HTRA1: variants seen among roughly 807,000 people sequenced by gnomAD.
HTRA1 encodes the protein HtrA serine peptidase 1.
A neutral mutation model predicts 49.7 loss-of-function variants in HTRA1; 26 were observed. The observed-to-expected ratio is 0.52, with a 90% CI of 0.38 to 0.73. HTRA1 has a LOEUF of 0.73. HTRA1 is among the 30% of genes least tolerant of loss of function. The pLI is 0.00. For missense variants in HTRA1, 561 were observed against 667.2 expected (o/e 0.84, Z 1.75); for synonymous variants, 291 against 286.9 (o/e 1.01, Z -0.14).
At chr10:122,512,710 T>C (rs925537288) in intron 8 of HTRA1, among the ~76,000 whole-genome samples, 3 of 152,222 alleles carry the variant, frequency 2.0e-5, no homozygotes, top group Non-Finnish European at 4.4e-5. Flanking sequence ...ACTTATTTTT[T>C]ATTTTCATAG....
chr10:122,512,195 G>T (rs544286726), intron 8 of HTRA1, 130 bp downstream of exon 8: 3 of 777,178 alleles, frequency 3.9e-6, no homozygotes, highest in African/African-American at 3.4e-5. Context: ...GTGGTCGGAC[G>T]TTGCTTGTCA....
intron 1 of HTRA1, among the ~76,000 whole-genome samples, chr10:122,472,911 A>G (rs2097486786): frequency 6.6e-6 from 1 of 152,178 alleles, no homozygotes; most frequent in Admixed American, 6.5e-5. Context: ...TCTGGTATAA[A>G]TTGCCAAATT....
intron 3 of HTRA1, among the ~76,000 whole-genome samples, chr10:122,495,526 C>G (rs2097498220): frequency 6.6e-6 from 1 of 152,232 alleles, no homozygotes; most frequent in East Asian, 1.9e-4. Context: ...GATTGCAGCT[C>G]CTTCTGGCTT....
In HTRA1 at chr10:122,514,721, A is replaced by G. The variant is rs2097507156; in HGVS notation, c.*362A>G. ...GCGTAGATAGAAGAAGCCCCACGGG[A>G]GCCAGGATGGGACTGGTCGTGTTTG... On this transcript the variant is annotated 3_prime_UTR_variant, in exon 9 of 9. Transcript: ENST00000368984. The G allele has an allele frequency of 3.0e-6, 1 of 329,556 alleles. No homozygotes were observed. Among genetic ancestry groups the G allele is most frequent in the Admixed American group, 4.3e-5 (1 of 23,502 alleles). The allele number at this position is 329,556 out of a possible 1,614,324, so 20.4% of individuals were successfully genotyped here. A position where few individuals can be genotyped will look rare whatever the true frequency, so the allele number is the denominator to read the frequency against.
rs187748860 is a variant in HTRA1, at chr10:122,490,525, C to T, written c.777+899C>T. On this transcript the variant is annotated intron_variant, in intron 3 of 8. Coordinates refer to ENST00000368984, the MANE Select transcript of HTRA1 (RefSeq NM_002775.5). This position sits in a 1 kb window ranked among gnomAD's most constrained non-coding sequence, Gnocchi z 4.2. ...TGCTGTGTGGCATGTTCAGTGAAAG[C>T]GTGGTTTCCAGTTTCTTCACATCCT... Among the ~76,000 whole-genome samples the T allele has an allele frequency of 1.1e-3, 161 of 152,274 alleles. 1 individual carries two copies. Among genetic ancestry groups the T allele is most frequent in the Middle Eastern group, 3.4e-3 (1 of 294 alleles).
intron 1 of HTRA1, among the ~76,000 whole-genome samples, chr10:122,466,412 C>T (rs186062359): frequency 2.6e-5 from 4 of 152,246 alleles, no homozygotes; most frequent in African/African-American, 9.6e-5. Flanking sequence ...TGTGATCCGC[C>T]CGCTTTGGCC....
intron 3 of HTRA1, 67 bp downstream of exon 3, chr10:122,489,693 A>G: frequency 6.9e-7 from 1 of 1,440,410 alleles, no homozygotes; most frequent in Non-Finnish European, 9.6e-7. Context: ...CAAAGGCACC[A>G]GAGCTCTCTG....
chr10:122,508,862 C>A, intron 6 of HTRA1, 92 bp downstream of exon 6: 1 of 794,586 alleles, frequency 1.3e-6, no homozygotes, highest in Non-Finnish European at 2.3e-6. Context: ...AAGCGGCAGC[C>A]CCTAGGACTA....
intron 7 of HTRA1, 45 bp downstream of exon 7, chr10:122,510,198 C>T (rs2097504990): frequency 6.5e-7 from 1 of 1,550,126 alleles, no homozygotes. Context: ...TTTAATAAAC[C>T]TGAACTTCAG....
chr10:122,464,696 C>T lies in HTRA1; in HGVS notation c.472+2572C>T, dbSNP rs1012594415. Among the ~76,000 whole-genome samples, 1 of 152,204 alleles carries T rather than the reference C, an allele frequency of 6.6e-6. No homozygotes were observed. The highest frequency in any genetic ancestry group is 6.5e-5 in the Admixed American group (1 of 15,280). ...TCGGAGGTGTTTCCGAGGACAGGCG[C>T]CTGGGAGCCAGCAGACTTCATTCAG... is the stretch of plus-strand genomic sequence containing the variant. On this transcript the variant is annotated intron_variant, in intron 1 of 8. Coordinates refer to ENST00000368984, the MANE Select transcript of HTRA1 (RefSeq NM_002775.5). This position sits in a 1 kb window ranked among gnomAD's most constrained non-coding sequence, Gnocchi z 4.8.
At chr10:122,498,777 T>C (rs971514181) in intron 3 of HTRA1, among the ~76,000 whole-genome samples, 1 of 152,220 alleles carries the variant, frequency 6.6e-6, no homozygotes, top group Non-Finnish European at 1.5e-5. Context: ...GCTCGCTGTT[T>C]TAATTTTATC....
At position 122,494,185 on chromosome 10, in the gene HTRA1, T is replaced by C. The variant is rs1306556016; in HGVS notation, c.777+4559T>C. On this transcript the variant is annotated intron_variant, in intron 3 of 8. Transcript: ENST00000368984. This position sits in a 1 kb window ranked among gnomAD's most constrained non-coding sequence, Gnocchi z 4.0. ...ACAATTTAGAGTCGCCTCACTCATT[T>C]GTCAAATGAAGTTCATCTCTGCAGC... Among the ~76,000 whole-genome samples the C allele has an allele frequency of 1.3e-5, 2 of 152,200 alleles. No homozygotes were observed. Among genetic ancestry groups the C allele is most frequent in the African/African-American group, 4.8e-5 (2 of 41,446 alleles).
intron 3 of HTRA1, among the ~76,000 whole-genome samples, chr10:122,493,156 A>G: frequency 6.6e-6 from 1 of 152,154 alleles, no homozygotes; most frequent in Non-Finnish European, 1.5e-5. Context: ...TTGGGAGACA[A>G]TCACGGACCA....
rs11295304 is a variant in HTRA1 at position 122,513,893 on chromosome 10, CTT to C, written c.1275-282_1275-281del. 1.8e-3 allele frequency among the ~76,000 whole-genome samples: 233 copies of C among 130,008 alleles called. 1 individual carries two copies. The highest frequency in any genetic ancestry group is 0.016 in the East Asian group (73 of 4,448). 85.3% of individuals were successfully genotyped at this position (130,008 alleles called of 152,430 possible). On this transcript the variant is annotated intron_variant, in intron 8 of 8. Coordinates refer to ENST00000368984, the MANE Select transcript of HTRA1 (RefSeq NM_002775.5). ...CAGGTGCCCACCACCAAACCTGGCT[CTT>C]TTTTTTTTTTTTTTTGTAATTTTAG...
chr10:122,508,755 G>A lies in HTRA1; in HGVS notation c.1105G>A (p.Asp369Asn). Reference protein sequence around the residue: ...KIKKFLTESHDRQAKGKAITK... With the variant: ...KIKKFLTESHNRQAKGKAITK... The stretch of plus-strand genomic sequence containing the variant: ...TAAAAAGTTCCTCACGGAGTCCCAT[G>A]ACCGACAGGCCAAAGGTAGGCAAGG... Residue 369 changes from aspartate (D) to asparagine (N), a missense_variant, in exon 6 of 9, where the codon GAC becomes AAC. Asp to Asn is a conservative substitution (Grantham distance 23). Transcript: ENST00000368984. 1 of 1,610,276 alleles carries A rather than the reference G, an allele frequency of 6.2e-7. No homozygotes were observed. The highest frequency in any genetic ancestry group is 8.5e-7 in the Non-Finnish European group (1 of 1,176,512).
Position 122,474,641 on chromosome 10 carries a change from A to G in HTRA1, c.472+12517A>G, listed in dbSNP as rs547732389. Among the ~76,000 whole-genome samples, 25 of 152,342 alleles carry G rather than the reference A, an allele frequency of 1.6e-4. No homozygotes were observed. In the South Asian group the frequency reaches 2.5e-3, roughly 15 times the overall value. On this transcript the variant is annotated intron_variant, in intron 1 of 8. Transcript: ENST00000368984. ...CCCAGCTGAGAAATCTGCGAAGGTC[A>G]GGACCAGAGCCAGACGCTTATCAAG...
At position 122,511,742 on chromosome 10, in the gene HTRA1, A is replaced by T. The variant is rs915652782; in HGVS notation, c.1179-228A>T. On this transcript the variant is annotated intron_variant, in intron 7 of 8. Transcript: ENST00000368984. Reference sequence around the variant, plus strand: ...AGCAAGACTCTGTCTCAAAAAAAAAAAAATAAATAAAAAAAATAAATAAAT... The same window carrying T: ...AGCAAGACTCTGTCTCAAAAAAAAATAAATAAATAAAAAAAATAAATAAAT... Among the ~76,000 whole-genome samples, 163 of 76,550 alleles carry T rather than the reference A, an allele frequency of 2.1e-3. 2 individuals carry two copies. The highest frequency in any genetic ancestry group is 4.7e-3 in the African/African-American group (128 of 27,462). The allele number at this position is 76,550 out of a possible 152,430, so 50.2% of individuals were successfully genotyped here. A position where few individuals can be genotyped will look rare whatever the true frequency, so the allele number is the denominator to read the frequency against.
chr10:122,462,325 C>A (rs963717561), intron 1 of HTRA1, among the ~76,000 whole-genome samples: 27 of 152,226 alleles, frequency 1.8e-4, no homozygotes, highest in Non-Finnish European at 7.3e-5. Context: ...AGCCCGGGGC[C>A]GGTTCTGCGC....
At chr10:122,477,257 A>G (rs553524927) in intron 1 of HTRA1, among the ~76,000 whole-genome samples, 23 of 152,242 alleles carry the variant, frequency 1.5e-4, no homozygotes, top group Middle Eastern at 3.4e-3. Context: ...GTGAGCCACC[A>G]TGCCCGGCCT....
Sources: gnomAD v4.1 joint callset for allele counts (sites outside exome capture counted in the v4.1 genomes callset) on GRCh38, gnomAD v4.1.1 for gene constraint, Gnocchi (gnomAD v3.1) non-coding constraint, MANE v1.5 for transcripts, NCBI Gene and HGNC (gene_info 2026-07-23, HGNC 2026-07-21) for gene names.